The following PGRMC2 variants were observed in gnomAD, a reference collection of about 807,000 sequenced individuals.
PGRMC2 encodes membrane-associated progesterone receptor component 2.
Under a neutral mutation model 19.3 loss-of-function variants are expected in PGRMC2, and 9 were observed. That is an observed-to-expected ratio of 0.47 (90% CI 0.28 to 0.81). The LOEUF (loss-of-function observed/expected upper bound fraction) is 0.81. Among genes scored for constraint, PGRMC2 ranks in the 40% least tolerant of loss-of-function variants. The probability of loss-of-function intolerance (pLI) is 0.11; values close to 1 mark genes in which losing one functional copy is unlikely to be tolerated. For missense variants in PGRMC2, 289 were observed against 297.3 expected, an observed-to-expected ratio of 0.97 and a Z score of 0.21; for synonymous variants, 157 against 124.6, an observed-to-expected ratio of 1.26 and a Z score of -1.73.
chr4:128,270,113 C>T lies in PGRMC2; in HGVS notation c.*1203G>A, dbSNP rs1243005942. 1.3e-5 allele frequency: 2 copies of T among 151,990 alleles called. No homozygotes were observed. Among genetic ancestry groups the T allele is most frequent in the Non-Finnish European group, 2.9e-5 (2 of 68,032 alleles). 9.4% of individuals were successfully genotyped at this position (151,990 alleles called of 1,614,324 possible). A position where few individuals can be genotyped will look rare whatever the true frequency, so the allele number is the denominator to read the frequency against. On this transcript the variant is annotated 3_prime_UTR_variant, in exon 3 of 3. Coordinates refer to ENST00000296425, the MANE Select transcript of PGRMC2 (RefSeq NM_006320.6). ...TATCATAATGCACTGGCTTACAGTT[C>T]TGTATATAAAGTCCAACTCAAGCTT...
chr4:128,287,537 C>G lies in PGRMC2; in HGVS notation c.254G>C (p.Gly85Ala). 1 of 1,552,242 alleles carries G rather than the reference C, an allele frequency of 6.4e-7. No homozygotes were observed. Among genetic ancestry groups the G allele is most frequent in the Non-Finnish European group, 8.7e-7 (1 of 1,148,616 alleles). Reference protein sequence around the residue: ...WGRRGLGAGAGAGEESPATSL... With the variant: ...WGRRGLGAGAAAGEESPATSL... ...GGTGGCGGGGCTCTCCTCGCCCGCC[C>G]CGGCCCCGGCCCCCAGACCCCGCCG... is the stretch of plus-strand genomic sequence containing the variant. The change falls in exon 1 of 3, where the codon GGG becomes GCG. Residue 85 changes from glycine (G) to alanine (A), a missense_variant. By Grantham distance (60) the Gly-to-Ala change is moderately conservative. Transcript: ENST00000296425.
At chr4:128,286,097 T>C (rs1760978405) in intron 1 of PGRMC2, among the ~76,000 whole-genome samples, 2 of 150,168 alleles carry the variant, frequency 1.3e-5, no homozygotes, top group African/African-American at 2.5e-5. Context: ...TATATATTTT[T>C]AAGTGTCAAT....
Position 128,272,516 on chromosome 4 carries a change from C to A in PGRMC2, c.420G>T (p.Ala140=), listed in dbSNP as rs745307048. The change falls in exon 2 of 3, where the codon GCG becomes GCT. Residue 140 remains alanine, a splice_region_variant and synonymous_variant. Transcript: ENST00000296425. ...TACCAGCAAATATTCCATATGGACC[C>A]GCTGGAAAAAAGAAAATAAATTATT... ...VTKGSKFYGP[A]GPYGIFAGRD... is the part of the protein sequence containing the mutation. 6.9e-7 allele frequency: 1 copy of A among 1,452,540 alleles called. No homozygotes were observed. The highest frequency in any genetic ancestry group is 1.5e-5 in the African/African-American group (1 of 67,038). The allele number at this position is 1,452,540 out of a possible 1,614,324, so 90.0% of individuals were successfully genotyped here.
At position 128,271,238 on chromosome 4, in the gene PGRMC2, C is replaced by A; in HGVS notation, c.*78G>T. On this transcript the variant is annotated 3_prime_UTR_variant, in exon 3 of 3. Coordinates refer to ENST00000296425, the MANE Select transcript of PGRMC2 (RefSeq NM_006320.6). ...GTTTTTCGCAGCAGGTGAATCAAACCCAAAGACTCCGGACAGTCTGTGAAA... is the reference window on the plus strand; with the variant it reads ...GTTTTTCGCAGCAGGTGAATCAAACACAAAGACTCCGGACAGTCTGTGAAA... 1.5e-6 allele frequency: 1 copy of A among 678,776 alleles called. No homozygotes were observed. Among genetic ancestry groups the A allele is most frequent in the Non-Finnish European group, 2.6e-6 (1 of 389,216 alleles). 42.0% of individuals were successfully genotyped at this position (678,776 alleles called of 1,614,324 possible). A position where few individuals can be genotyped will look rare whatever the true frequency, so the allele number is the denominator to read the frequency against.
chr4:128,278,406 T>C (rs143072034), intron 1 of PGRMC2, among the ~76,000 whole-genome samples: 8 of 152,052 alleles, frequency 5.3e-5, no homozygotes, highest in East Asian at 1.9e-4. Flanking sequence ...CTGTCTCTTA[T>C]ACTAAAAATA....
At chr4:128,271,998 TCA>T (rs1346493422) in intron 2 of PGRMC2, among the ~76,000 whole-genome samples, 1 of 152,262 alleles carries the variant, frequency 6.6e-6, no homozygotes, top group Non-Finnish European at 1.5e-5. Flanking sequence ...ACTGTAAGTA[TCA>T]CAATTTTTGA....
intron 1 of PGRMC2, among the ~76,000 whole-genome samples, chr4:128,274,522 A>AC (rs1760778680): frequency 2.2e-5 from 3 of 137,080 alleles, no homozygotes; most frequent in African/African-American, 7.6e-5. Flanking sequence ...AAAGAAAAAA[A>AC]AAAAAAAAAA....
At chr4:128,282,837 T>TAA (rs1760928219) in intron 1 of PGRMC2, among the ~76,000 whole-genome samples, 1 of 152,220 alleles carries the variant, frequency 6.6e-6, no homozygotes, top group African/African-American at 2.4e-5. Flanking sequence ...AAATTGAAGA[T>TAA]AAAGTTTAAA....
chr4:128,287,148 C>G (rs1423415984), intron 1 of PGRMC2: 2 of 492,350 alleles, frequency 4.1e-6, no homozygotes, highest in Admixed American at 7.5e-5. Context: ...TGGGGCGCCA[C>G]CGGGGACCCT....
At chr4:128,278,177 C>G (rs1760842115) in intron 1 of PGRMC2, among the ~76,000 whole-genome samples, 1 of 151,952 alleles carries the variant, frequency 6.6e-6, no homozygotes, top group Admixed American at 6.6e-5. Flanking sequence ...ATGAAAATTC[C>G]AAGGTGAAAA....
In PGRMC2 at chr4:128,272,535, A is replaced by G; in HGVS notation, c.419-18T>C. 1 of 1,429,794 alleles carries G rather than the reference A, an allele frequency of 7.0e-7. No individual in the cohort carries two copies. Among genetic ancestry groups the G allele is most frequent in the Non-Finnish European group, 9.3e-7 (1 of 1,080,032 alleles). The allele number at this position is 1,429,794 out of a possible 1,614,324, so 88.6% of individuals were successfully genotyped here. On this transcript the variant is annotated intron_variant, in intron 1 of 2. Coordinates refer to ENST00000296425, the MANE Select transcript of PGRMC2 (RefSeq NM_006320.6). The stretch of plus-strand genomic sequence containing the variant: ...TGGACCCGCTGGAAAAAAGAAAATA[A>G]ATTATTTAGATCACCTAACAATATT...
At chr4:128,280,353 G>GAAAA (rs11425107) in intron 1 of PGRMC2, among the ~76,000 whole-genome samples, 40 of 120,542 alleles carry the variant, frequency 3.3e-4, no homozygotes, top group African/African-American at 1.4e-3. Context: ...AATTTTCTGG[G>GAAAA]AAAAAAAAAA....
chr4:128,284,007 C>T (rs1760948326), intron 1 of PGRMC2, among the ~76,000 whole-genome samples: 2 of 149,074 alleles, frequency 1.3e-5, no homozygotes, highest in Admixed American at 1.3e-4. Flanking sequence ...GATGGGGTTT[C>T]ACCATGTTGG....
At chr4:128,279,040 C>T (rs1468833522) in intron 1 of PGRMC2, among the ~76,000 whole-genome samples, 1 of 152,064 alleles carries the variant, frequency 6.6e-6, no homozygotes, top group Non-Finnish European at 1.5e-5. Context: ...GAAACCCCGT[C>T]TCTACTAAAA....
intron 1 of PGRMC2, chr4:128,287,162 T>G: frequency 6.2e-6 from 3 of 484,260 alleles, no homozygotes; most frequent in South Asian, 3.7e-5. Context: ...GGACCCTGGT[T>G]TCGGGGGAAG....
intron 1 of PGRMC2, among the ~76,000 whole-genome samples, chr4:128,285,863 C>T (rs1171015061): frequency 6.6e-6 from 1 of 152,138 alleles, no homozygotes; most frequent in African/African-American, 2.4e-5. Flanking sequence ...TAGGCAGACA[C>T]CTTGTGTTCA....
chr4:128,274,944 G>A (rs1230819550), intron 1 of PGRMC2, among the ~76,000 whole-genome samples: 2 of 152,162 alleles, frequency 1.3e-5, no homozygotes, highest in East Asian at 1.9e-4. Flanking sequence ...CAGGAGCGGA[G>A]GCATTCAGTG....
chr4:128,272,348 C>A lies in PGRMC2; in HGVS notation c.574+14G>T. 7.0e-7 allele frequency: 1 copy of A among 1,436,824 alleles called. No homozygotes were observed. Among genetic ancestry groups the A allele is most frequent in the Non-Finnish European group, 9.2e-7 (1 of 1,086,192 alleles). 89.0% of individuals were successfully genotyped at this position (1,436,824 alleles called of 1,614,324 possible). ...ATATTTAATTTTCCAAAGAATCCAA[C>A]AAAATAAAAATACCTTTAAACTGCA... On this transcript the variant is annotated intron_variant, in intron 2 of 2. Transcript: ENST00000296425.
intron 1 of PGRMC2, among the ~76,000 whole-genome samples, chr4:128,278,459 T>A (rs1259450999): frequency 2.0e-5 from 3 of 151,804 alleles, no homozygotes; most frequent in Non-Finnish European, 4.4e-5. Context: ...GTAATCCCGG[T>A]TACTCAAGAG....
Sources: allele counts gnomAD v4.1 joint callset (sites outside exome capture counted in the v4.1 genomes callset), GRCh38; gene constraint gnomAD v4.1.1; transcripts MANE v1.5; gene names NCBI Gene and HGNC (gene_info 2026-07-23, HGNC 2026-07-21).